The following OTULIN variants were observed in gnomAD, a reference collection of about 807,000 sequenced individuals.
The protein encoded by OTULIN is ubiquitin thioesterase otulin.
A neutral mutation model predicts 39.6 loss-of-function variants in OTULIN; 15 were observed. That is an observed-to-expected ratio of 0.38 (90% CI 0.25 to 0.58). OTULIN has a LOEUF of 0.58. Ranked by LOEUF, OTULIN falls within the 20% of genes least tolerant of loss-of-function variation. The probability of loss-of-function intolerance (pLI) is 0.66; values close to 1 mark genes in which losing one functional copy is unlikely to be tolerated. For synonymous variants in OTULIN, 156 were observed against 170.3 expected, an observed-to-expected ratio of 0.92 and a Z score of 0.65; for missense variants, 319 against 445.9, an observed-to-expected ratio of 0.72 and a Z score of 2.56.
chr5:14,667,000 GT>G (rs1382352273), intron 1 of OTULIN, among the ~76,000 whole-genome samples: 1 of 152,266 alleles, frequency 6.6e-6, no homozygotes, highest in East Asian at 1.9e-4. Context: ...TTTAGTCTGT[GT>G]TTTTTTGTCA....
downstream of OTULIN, among the ~76,000 whole-genome samples, chr5:14,701,451 A>G (rs1300621174): frequency 2.0e-5 from 3 of 152,002 alleles, no homozygotes; most frequent in Non-Finnish European, 4.4e-5. Flanking sequence ...GCCAGCCCCA[A>G]TGCCCTTCTA....
downstream of OTULIN, among the ~76,000 whole-genome samples, chr5:14,700,138 C>G (rs1278144079): frequency 6.6e-6 from 1 of 152,152 alleles, no homozygotes; most frequent in East Asian, 1.9e-4. Flanking sequence ...TGGGAGCCAT[C>G]TGTTCATGTC....
intron 2 of OTULIN, among the ~76,000 whole-genome samples, chr5:14,676,688 T>A (rs928146757): frequency 1.3e-5 from 2 of 152,226 alleles, no homozygotes; most frequent in Admixed American, 1.3e-4. Context: ...GAAGGTAGAT[T>A]TCCTTCCCAG....
At chr5:14,678,838 T>C (rs1202689214) in intron 3 of OTULIN, 63 bp downstream of exon 3, 11 of 1,085,836 alleles carry the variant, frequency 1.0e-5, no homozygotes, top group Admixed American at 4.9e-5. Context: ...TTGTTTAATA[T>C]GTCATTTGAT....
rs1165008919 is a variant in OTULIN, at chr5:14,664,984, C to G, written c.152+7C>G. 1.9e-6 allele frequency: 2 copies of G among 1,063,042 alleles called. No individual in the cohort carries two copies. Among genetic ancestry groups the G allele is most frequent in the African/African-American group, 1.7e-5 (1 of 59,206 alleles). 65.9% of individuals were successfully genotyped at this position (1,063,042 alleles called of 1,614,324 possible). On this transcript the variant is annotated splice_region_variant and intron_variant, in intron 1 of 6. Coordinates refer to ENST00000284274, the MANE Select transcript of OTULIN (RefSeq NM_138348.6). ...TGCAGTGCCCGGCCGAGCAGTGAGT[C>G]CGCGGGGGCGCGGGGCGCGGGCCGT...
the OTULIN span, chr5:14,713,767 C>T: frequency 6.5e-7 from 1 of 1,538,800 alleles, no homozygotes; most frequent in Non-Finnish European, 8.9e-7. The surrounding 1 kb of genome is among the most constrained non-coding windows in gnomAD (Gnocchi z 4.4). Flanking sequence ...CAGGGGCTGC[C>T]TAGGACCCTG....
chr5:14,692,842 T>C lies in OTULIN; in HGVS notation c.865-12T>C. 1 of 1,612,572 alleles carries C rather than the reference T, an allele frequency of 6.2e-7. No individual in the cohort carries two copies. Reference sequence around the variant, plus strand: ...GATCTTCCTCAGAATACCCGTTTGCTCTTCTTCCCAGGTTGAAATGTTCCT... The same window carrying C: ...GATCTTCCTCAGAATACCCGTTTGCCCTTCTTCCCAGGTTGAAATGTTCCT... On this transcript the variant is annotated splice_polypyrimidine_tract_variant and intron_variant, in intron 6 of 6. Transcript: ENST00000284274.
At chr5:14,691,460 A>G (rs1357485549) in intron 6 of OTULIN, among the ~76,000 whole-genome samples, 2 of 152,254 alleles carry the variant, frequency 1.3e-5, no homozygotes, top group African/African-American at 4.8e-5. Flanking sequence ...ACCTGTACTC[A>G]TAATGTGGGT....
Position 14,694,038 on chromosome 5 carries a change from C to G in OTULIN, c.*990C>G, listed in dbSNP as rs1396520690. 6.6e-6 allele frequency: 1 copy of G among 152,204 alleles called. No individual in the cohort carries two copies. The highest frequency in any genetic ancestry group is 1.5e-5 in the Non-Finnish European group (1 of 68,060). 9.4% of individuals were successfully genotyped at this position (152,204 alleles called of 1,614,324 possible). A position where few individuals can be genotyped will look rare whatever the true frequency, so the allele number is the denominator to read the frequency against. On this transcript the variant is annotated 3_prime_UTR_variant, in exon 7 of 7. Transcript: ENST00000284274. ...TACTTTGAGGTAGGGCTTAGCTGGACCTGGGTTTTCCTATGCTCTTTTCAT... is the reference window on the plus strand; with the variant it reads ...TACTTTGAGGTAGGGCTTAGCTGGAGCTGGGTTTTCCTATGCTCTTTTCAT...
chr5:14,713,075 G>C, the OTULIN span: 6 of 1,138,856 alleles, frequency 5.3e-6, no homozygotes, highest in Non-Finnish European at 7.7e-6. This position sits in a 1 kb window ranked among gnomAD's most constrained non-coding sequence, Gnocchi z 4.4. Flanking sequence ...CGAGACGGCT[G>C]AGACCAGCGG....
At chr5:14,687,436 T>C in intron 4 of OTULIN, 85 bp from the exon 5 acceptor site, 1 of 1,478,096 alleles carries the variant, frequency 6.8e-7, no homozygotes, top group East Asian at 2.4e-5. Context: ...TTTTATAGAC[T>C]TTGTGGTTTC....
chr5:14,689,087 T>C (rs551991560), intron 5 of OTULIN, among the ~76,000 whole-genome samples: 1 of 152,318 alleles, frequency 6.6e-6, no homozygotes, highest in East Asian at 1.9e-4. Context: ...GTTTTTTAGG[T>C]GAGGAAACTA....
At chr5:14,712,678 C>T in the OTULIN span, among the ~76,000 whole-genome samples, 4 of 152,234 alleles carry the variant, frequency 2.6e-5, no homozygotes, top group Admixed American at 2.6e-4. Context: ...TCTGTACTTG[C>T]TGCCTTCAGC....
the OTULIN span, among the ~76,000 whole-genome samples, chr5:14,713,828 T>C: frequency 1.3e-5 from 2 of 152,298 alleles, no homozygotes; most frequent in East Asian, 1.9e-4. The surrounding 1 kb of genome is among the most constrained non-coding windows in gnomAD (Gnocchi z 4.4). Flanking sequence ...GGGTTCCCCA[T>C]CCCTGCTCCT....
At chr5:14,689,531 T>A (rs1278939042) in intron 5 of OTULIN, among the ~76,000 whole-genome samples, 1 of 152,234 alleles carries the variant, frequency 6.6e-6, no homozygotes, top group African/African-American at 2.4e-5. Context: ...TTTATTCATT[T>A]GAAGTTCATA....
intron 6 of OTULIN, among the ~76,000 whole-genome samples, chr5:14,691,680 C>G (rs1736531924): frequency 6.6e-6 from 1 of 151,262 alleles, no homozygotes; most frequent in Non-Finnish European, 1.5e-5. Flanking sequence ...TAAAGTTTTG[C>G]AGCCATCACT....
chr5:14,682,760 G>T (rs1238375339), intron 4 of OTULIN, among the ~76,000 whole-genome samples: 1 of 151,992 alleles, frequency 6.6e-6, no homozygotes, highest in African/African-American at 2.4e-5. Flanking sequence ...TAAGCAAAAA[G>T]ACCAACCTGG....
chr5:14,700,669 G>A (rs1736778787), downstream of OTULIN, among the ~76,000 whole-genome samples: 1 of 112,256 alleles, frequency 8.9e-6, no homozygotes, highest in African/African-American at 3.4e-5. Context: ...ACCCTCCCCA[G>A]CCCTCCCCTC....
At chr5:14,684,216 T>G (rs1398125120) in intron 4 of OTULIN, among the ~76,000 whole-genome samples, 1 of 152,190 alleles carries the variant, frequency 6.6e-6, no homozygotes, top group East Asian at 1.9e-4. Flanking sequence ...GCCTGTGGGT[T>G]TGATATTTAT....
Sources: allele counts gnomAD v4.1 joint callset (sites outside exome capture counted in the v4.1 genomes callset), GRCh38; gene constraint gnomAD v4.1.1; non-coding constraint Gnocchi (gnomAD v3.1); transcripts MANE v1.5; gene names NCBI Gene and HGNC (gene_info 2026-07-23, HGNC 2026-07-21).